GABBR2: variants seen among roughly 807,000 people sequenced by gnomAD.
The protein encoded by GABBR2 is gamma-aminobutyric acid type B receptor subunit 2.
In GABBR2, 23 loss-of-function variants were observed where a neutral mutation model predicts 105.6. The observed-to-expected ratio is 0.22, with a 90% CI of 0.16 to 0.31. The LOEUF is 0.31. GABBR2 is among the 10% of genes least tolerant of loss of function. GABBR2 has a pLI of 1.00. For synonymous variants in GABBR2, 478 were observed against 499.7 expected (o/e 0.96, Z 0.58); for missense variants, 734 against 1,245.5 (o/e 0.59, Z 6.18).
intron 3 of GABBR2, among the ~76,000 whole-genome samples, chr9:98,499,961 G>A (rs1827367469): frequency 1.3e-5 from 2 of 152,230 alleles, no homozygotes; most frequent in African/African-American, 4.8e-5. Flanking sequence ...GCTGAGGCAG[G>A]AGAATCACTT....
rs1588179344 is a variant in GABBR2, at chr9:98,471,762, G to C, written c.999+1384C>G. Among the ~76,000 whole-genome samples the C allele has an allele frequency of 3.3e-5, 5 of 152,170 alleles. No homozygotes were observed. In the South Asian group the frequency reaches 8.3e-4, roughly 25 times the overall value. ...GTTTTGTGTTTTCCTCAATTTTTAT[G>C]ATATTTTTAGATTAAAATACAGGGT... On this transcript the variant is annotated intron_variant, in intron 6 of 18. Coordinates refer to ENST00000259455, the MANE Select transcript of GABBR2 (RefSeq NM_005458.8).
At chr9:98,356,870 T>G (rs1312216161) in intron 13 of GABBR2, among the ~76,000 whole-genome samples, 1 of 152,188 alleles carries the variant, frequency 6.6e-6, no homozygotes, top group Non-Finnish European at 1.5e-5. Context: ...TATTATTCAC[T>G]GATAAAAAGA....
chr9:98,536,015 A>C (rs1171742273), intron 3 of GABBR2, among the ~76,000 whole-genome samples: 1 of 152,138 alleles, frequency 6.6e-6, no homozygotes, highest in Non-Finnish European at 1.5e-5. Flanking sequence ...TAGATTCATC[A>C]GTTGTAACAA....
intron 9 of GABBR2, among the ~76,000 whole-genome samples, chr9:98,391,275 C>T (rs924718149): frequency 6.6e-6 from 1 of 152,174 alleles, no homozygotes; most frequent in East Asian, 1.9e-4. Context: ...AAGCAAGATA[C>T]AGAGATTTTC....
rs10986142 is a variant in GABBR2, at chr9:98,411,673, C to T, written c.1237-5532G>A. ...AGCTCCTGGGCTCGAGTGATCCTTC[C>T]ACCTCAGCCTCCCAAGTAGCTGGGA... On this transcript the variant is annotated intron_variant, in intron 7 of 18. Transcript: ENST00000259455. 5.8e-3 allele frequency among the ~76,000 whole-genome samples: 885 copies of T among 152,196 alleles called. 39 individuals carry two copies. In the East Asian group the frequency reaches 0.099, roughly 17 times the overall value.
chr9:98,685,482 C>A (rs911792163), intron 1 of GABBR2, among the ~76,000 whole-genome samples: 1 of 152,166 alleles, frequency 6.6e-6, no homozygotes, highest in South Asian at 2.1e-4. Context: ...CTAGAGAATT[C>A]TAATATACTT....
intron 2 of GABBR2, among the ~76,000 whole-genome samples, chr9:98,577,093 T>C (rs545095167): frequency 4.8e-5 from 7 of 146,580 alleles, no homozygotes; most frequent in Admixed American, 6.9e-5. Flanking sequence ...AATGTGTGGA[T>C]GGATGGATAG....
At chr9:98,581,376 T>G (rs1401539468) in intron 1 of GABBR2, among the ~76,000 whole-genome samples, 1 of 152,158 alleles carries the variant, frequency 6.6e-6, no homozygotes, top group Non-Finnish European at 1.5e-5. Context: ...GTAGGGAGTT[T>G]GAATACTACA....
At chr9:98,468,697 GAA>G (rs1281835119) in intron 6 of GABBR2, among the ~76,000 whole-genome samples, 2 of 152,162 alleles carry the variant, frequency 1.3e-5, no homozygotes, top group Non-Finnish European at 2.9e-5. Context: ...ACTGAGCTGT[GAA>G]AGCACCCTAG....
At chr9:98,597,363 A>T (rs1456243148) in intron 1 of GABBR2, among the ~76,000 whole-genome samples, 2 of 152,248 alleles carry the variant, frequency 1.3e-5, no homozygotes, top group African/African-American at 4.8e-5. Flanking sequence ...CTAGGGTGGC[A>T]ATAACAGCAG....
intron 3 of GABBR2, among the ~76,000 whole-genome samples, chr9:98,525,362 C>T (rs957051576): frequency 6.6e-6 from 1 of 152,164 alleles, no homozygotes; most frequent in African/African-American, 2.4e-5. Flanking sequence ...ATAGGCATAT[C>T]TCCAAAGAGG....
chr9:98,417,452 A>G (rs1832708896), intron 7 of GABBR2, among the ~76,000 whole-genome samples: 1 of 152,138 alleles, frequency 6.6e-6, no homozygotes. Flanking sequence ...GGCTAACACT[A>G]TTTCTTTACA....
intron 17 of GABBR2, among the ~76,000 whole-genome samples, chr9:98,294,287 A>G (rs555919884): frequency 1.3e-5 from 2 of 152,364 alleles, no homozygotes; most frequent in Non-Finnish European, 1.5e-5. Context: ...TATTTTTCAT[A>G]GAGCAGCAAA....
At chr9:98,578,574 G>A (rs10986814) in intron 1 of GABBR2, among the ~76,000 whole-genome samples, 31,680 of 152,072 alleles carry the variant, frequency 0.21, 3,653 homozygotes, top group African/African-American at 0.31. Flanking sequence ...GTTAAACACA[G>A]AATTGCCATA....
At chr9:98,436,526 T>C (rs1440812379) in intron 7 of GABBR2, among the ~76,000 whole-genome samples, 2 of 149,246 alleles carry the variant, frequency 1.3e-5, no homozygotes, top group Admixed American at 1.3e-4. Flanking sequence ...CCCTGGTCAT[T>C]ATTTTCACTT....
chr9:98,518,229 G>A (rs1487593592), intron 3 of GABBR2, among the ~76,000 whole-genome samples: 2 of 152,178 alleles, frequency 1.3e-5, no homozygotes, highest in Non-Finnish European at 2.9e-5. Flanking sequence ...GCCCTGGTTG[G>A]TTCCATTGCC....
chr9:98,335,092 A>G (rs926847811), intron 13 of GABBR2, among the ~76,000 whole-genome samples: 5 of 152,180 alleles, frequency 3.3e-5, no homozygotes, highest in Non-Finnish European at 5.9e-5. Flanking sequence ...CATTGCAATG[A>G]ACAATGCTGC....
In GABBR2 at chr9:98,311,312, A is replaced by G. The variant is rs1052450720; in HGVS notation, c.1894-107T>C. Reference sequence around the variant, plus strand: ...CCTCCTGTGAGCCATAGCCAATGCCACTGTTCAGCAGGCCATTTGGACCCC... The same window carrying G: ...CCTCCTGTGAGCCATAGCCAATGCCGCTGTTCAGCAGGCCATTTGGACCCC... On this transcript the variant is annotated intron_variant, in intron 13 of 18. Coordinates refer to ENST00000259455, the MANE Select transcript of GABBR2 (RefSeq NM_005458.8). 30 of 678,432 alleles carry G rather than the reference A, an allele frequency of 4.4e-5. No individual in the cohort carries two copies. The East Asian group carries it at 7.9e-4, about 18-fold the overall frequency. 42.0% of individuals were successfully genotyped at this position (678,432 alleles called of 1,614,324 possible).
intron 1 of GABBR2, among the ~76,000 whole-genome samples, chr9:98,650,426 A>G (rs1354589645): frequency 1.3e-5 from 2 of 152,244 alleles, no homozygotes; most frequent in African/African-American, 2.4e-5. Flanking sequence ...CTGGCACACA[A>G]TAAGTACAAT....
Sources: gnomAD v4.1 joint callset for allele counts (sites outside exome capture counted in the v4.1 genomes callset) on GRCh38, gnomAD v4.1.1 for gene constraint, MANE v1.5 for transcripts, NCBI Gene and HGNC (gene_info 2026-07-23, HGNC 2026-07-21) for gene names.